Variants in HTR4 observed in about 807,000 individuals in gnomAD.
The protein encoded by HTR4 is 5-hydroxytryptamine receptor 4, also known as 5-hydroxytryptamine (serotonin) receptor 4, G protein-coupled.
HTR4 carries 16 observed loss-of-function variants against 36.8 expected under a neutral mutation model. The observed-to-expected ratio is 0.43, with a 90% CI of 0.29 to 0.66. The LOEUF is 0.66. Among genes scored for constraint, HTR4 ranks in the 30% least tolerant of loss-of-function variants. The probability of loss-of-function intolerance (pLI) is 0.13; values close to 1 mark genes in which losing one functional copy is unlikely to be tolerated. For synonymous variants in HTR4, 189 were observed against 185.1 expected, an observed-to-expected ratio of 1.02 and a Z score of -0.17; for missense variants, 438 against 490.9, an observed-to-expected ratio of 0.89 and a Z score of 1.02.
At chr5:148,474,902 C>T (rs574082614), downstream of HTR4, among the ~76,000 whole-genome samples, 37 of 152,060 alleles carry the variant, frequency 2.4e-4, no homozygotes, top group East Asian at 7.8e-4. Context: ...AAAAATTAGC[C>T]GGGTGTGGAG....
At chr5:148,602,601 A>G (rs1224858085) in intron 2 of HTR4, among the ~76,000 whole-genome samples, 2 of 152,220 alleles carry the variant, frequency 1.3e-5, no homozygotes, top group East Asian at 1.9e-4. Flanking sequence ...AGAAATTGAA[A>G]AGCAAATTAA....
At chr5:148,501,903 C>G (rs999439261) in intron 6 of HTR4, among the ~76,000 whole-genome samples, 2 of 151,526 alleles carry the variant, frequency 1.3e-5, no homozygotes, top group Admixed American at 6.6e-5. Flanking sequence ...ACTAAAAATA[C>G]AAAAAAATTA....
chr5:148,547,755 T>C (rs1053842386), intron 4 of HTR4, among the ~76,000 whole-genome samples: 2 of 151,784 alleles, frequency 1.3e-5, no homozygotes, highest in African/African-American at 4.8e-5. Context: ...TAAATAAAAC[T>C]AAATTTTAAA....
At chr5:148,476,818 G>A, downstream of HTR4, 2 of 1,606,828 alleles carry the variant, frequency 1.2e-6, no homozygotes, top group Non-Finnish European at 1.7e-6. Context: ...CACAGGAGAA[G>A]AACAAATAAA....
rs895067990 is a variant in HTR4, at chr5:148,482,841, C to G, written c.*362G>C. The stretch of plus-strand genomic sequence containing the variant: ...GCAAAGAAGGCGTATTTGGAGACAT[C>G]AGTGACCGAGATAGGACGCAGCAAG... On this transcript the variant is annotated 3_prime_UTR_variant, in exon 7 of 7. Coordinates refer to ENST00000377888, the MANE Select transcript of HTR4 (RefSeq NM_000870.7). 1 of 1,092,602 alleles carries G rather than the reference C, an allele frequency of 9.2e-7. No homozygotes were observed. Among genetic ancestry groups the G allele is most frequent in the African/African-American group, 1.6e-5 (1 of 62,154 alleles). 67.7% of individuals were successfully genotyped at this position (1,092,602 alleles called of 1,614,324 possible).
intron 1 of HTR4, among the ~76,000 whole-genome samples, chr5:148,637,823 C>T (rs566843730): frequency 6.6e-6 from 1 of 152,320 alleles, no homozygotes; most frequent in Admixed American, 6.5e-5. Flanking sequence ...CACATCTGTT[C>T]CACAGCATGA....
chr5:148,564,274 C>G (rs1247421976), intron 2 of HTR4, among the ~76,000 whole-genome samples: 1 of 152,178 alleles, frequency 6.6e-6, no homozygotes, highest in Non-Finnish European at 1.5e-5. Context: ...CTGGCAAGCT[C>G]TCGCATGTCC....
chr5:148,480,436 T>C (rs1368080961), downstream of HTR4, among the ~76,000 whole-genome samples: 1 of 152,236 alleles, frequency 6.6e-6, no homozygotes, highest in Non-Finnish European at 1.5e-5. Flanking sequence ...TGAAGTGCAG[T>C]GGTGCAATCT....
chr5:148,615,187 C>T (rs1249863244), intron 2 of HTR4, among the ~76,000 whole-genome samples: 4 of 151,912 alleles, frequency 2.6e-5, no homozygotes, highest in South Asian at 2.1e-4. Context: ...TGGGTATATA[C>T]CCAAAGGACT....
At chr5:148,478,124 T>C (rs755099165), downstream of HTR4, among the ~76,000 whole-genome samples, 2 of 152,238 alleles carry the variant, frequency 1.3e-5, no homozygotes, top group Admixed American at 1.3e-4. Flanking sequence ...CAAGAGACCC[T>C]GCCTCATAGT....
At chr5:148,597,111 T>G (rs924474433) in intron 2 of HTR4, among the ~76,000 whole-genome samples, 1 of 152,210 alleles carries the variant, frequency 6.6e-6, no homozygotes, top group Admixed American at 6.5e-5. Flanking sequence ...CCTTCTCTGA[T>G]AGCTTCATAT....
chr5:148,617,669 A>T (rs1752755860), intron 2 of HTR4, among the ~76,000 whole-genome samples: 2 of 151,924 alleles, frequency 1.3e-5, no homozygotes. Context: ...GGGTTTCACC[A>T]TGTTGGCCAG....
intron 2 of HTR4, among the ~76,000 whole-genome samples, chr5:148,560,675 A>C (rs1179811474): frequency 6.6e-6 from 1 of 152,162 alleles, no homozygotes; most frequent in Non-Finnish European, 1.5e-5. Context: ...CATAATTATC[A>C]TTATCATGTG....
chr5:148,514,706 A>G (rs879392135), intron 5 of HTR4, among the ~76,000 whole-genome samples: 1 of 152,162 alleles, frequency 6.6e-6, no homozygotes, highest in Non-Finnish European at 1.5e-5. Context: ...CATATTCAGT[A>G]TCTTGTTTTA....
intron 6 of HTR4, chr5:148,484,429 C>A: frequency 6.5e-7 from 1 of 1,544,008 alleles, no homozygotes; most frequent in South Asian, 1.1e-5. Context: ...AACAGTGAAT[C>A]TTACTTACAC....
At chr5:148,572,047 A>G (rs1029728724) in intron 2 of HTR4, among the ~76,000 whole-genome samples, 2 of 152,062 alleles carry the variant, frequency 1.3e-5, no homozygotes, top group African/African-American at 4.8e-5. Flanking sequence ...TGCTGAGATA[A>G]AAAAATTAAT....
At chr5:148,557,796 A>AT (rs1760022284) in intron 2 of HTR4, among the ~76,000 whole-genome samples, 1 of 148,200 alleles carries the variant, frequency 6.7e-6, no homozygotes. Flanking sequence ...TATATTAGGA[A>AT]TATATAAATA....
intron 2 of HTR4, among the ~76,000 whole-genome samples, chr5:148,576,110 CAAAAAAAAAAAAAAAA>C (rs781780161): frequency 6.1e-5 from 2 of 32,712 alleles, no homozygotes; most frequent in Non-Finnish European, 1.1e-4. Flanking sequence ...GACTCCGTCT[CAAAAAAAAAAAAAAAA>C]AAAAAAACAA....
chr5:148,533,724 A>T (rs1365370050), intron 4 of HTR4, among the ~76,000 whole-genome samples: 1 of 152,218 alleles, frequency 6.6e-6, no homozygotes, highest in Non-Finnish European at 1.5e-5. Flanking sequence ...TCTTAGAATC[A>T]GTTACTAACC....
Sources: allele counts gnomAD v4.1 joint callset (sites outside exome capture counted in the v4.1 genomes callset), GRCh38; gene constraint gnomAD v4.1.1; transcripts MANE v1.5; gene names NCBI Gene and HGNC (gene_info 2026-07-23, HGNC 2026-07-21).